RAB21: variants seen among roughly 807,000 people sequenced by gnomAD.
The protein encoded by RAB21 is ras-related protein Rab-21.
Under a neutral mutation model 33.1 loss-of-function variants are expected in RAB21, and 13 were observed. The ratio of observed to expected loss-of-function variants is 0.39; its 90% CI spans 0.26 to 0.62. The LOEUF (loss-of-function observed/expected upper bound fraction) is 0.62, where lower values mean the gene tolerates loss of function less well. Ranked by LOEUF, RAB21 falls within the 20% of genes least tolerant of loss-of-function variation. The probability of loss-of-function intolerance (pLI) is 0.48; values close to 1 mark genes in which losing one functional copy is unlikely to be tolerated. For synonymous variants in RAB21, 91 were observed against 103.7 expected (o/e 0.88, Z 0.74); for missense variants, 234 against 279.1 (o/e 0.84, Z 1.15).
In RAB21 at chr12:71,755,159, GGCGGCGGCGGC is replaced by G; in HGVS notation, c.32_42del (p.Ala11GlyfsTer31). On this transcript the variant is annotated frameshift_variant, in exon 1 of 7. Coordinates refer to ENST00000261263, the MANE Select transcript of RAB21 (RefSeq NM_014999.4). LOFTEE classifies it high-confidence loss of function. ...CTGCGGCCGGCGGCGGCGGCGGCGG[GGCGGCGGCGGC>G]GGGCCGAGCCTACTCGTTCAAGGTG... 1 of 1,280,658 alleles carries G rather than the reference GGCGGCGGCGGC, an allele frequency of 7.8e-7. No individual in the cohort carries two copies. The allele number at this position is 1,280,658 out of a possible 1,614,324, so 79.3% of individuals were successfully genotyped here.
At chr12:71,763,847 A>G (rs1470144470) in intron 1 of RAB21, among the ~76,000 whole-genome samples, 1 of 152,110 alleles carries the variant, frequency 6.6e-6, no homozygotes, top group Non-Finnish European at 1.5e-5. Flanking sequence ...ATGTCCTAGA[A>G]TAGTTAGCTT....
rs1883385855 is a variant in RAB21, at chr12:71,791,586, A to G, written c.*5913A>G. On this transcript the variant is annotated 3_prime_UTR_variant, in exon 7 of 7. Transcript: ENST00000261263. ...CAACTCTGACAGCAACTCCCATAAC[A>G]GGACATGATGCTACCAAAAATTCAA... 6.6e-6 allele frequency: 1 copy of G among 152,218 alleles called. No individual in the cohort carries two copies. The highest frequency in any genetic ancestry group is 2.4e-5 in the African/African-American group (1 of 41,464). The allele number at this position is 152,218 out of a possible 1,614,324, so 9.4% of individuals were successfully genotyped here. A position where few individuals can be genotyped will look rare whatever the true frequency, so the allele number is the denominator to read the frequency against.
Position 71,787,141 on chromosome 12 carries a change from C to T in RAB21, c.*1468C>T, listed in dbSNP as rs1565897304. 3 of 152,296 alleles carry T rather than the reference C, an allele frequency of 2.0e-5. No homozygotes were observed. The highest frequency in any genetic ancestry group is 2.1e-4 in the South Asian group (1 of 4,834). The allele number at this position is 152,296 out of a possible 1,614,324, so 9.4% of individuals were successfully genotyped here. Reference sequence around the variant, plus strand: ...AATGTTCTGTTTCATTTTACAAGAACTATCCTGAGTTTCTGTGGATGGAAA... The same window carrying T: ...AATGTTCTGTTTCATTTTACAAGAATTATCCTGAGTTTCTGTGGATGGAAA... On this transcript the variant is annotated 3_prime_UTR_variant, in exon 7 of 7. Coordinates refer to ENST00000261263, the MANE Select transcript of RAB21 (RefSeq NM_014999.4).
In RAB21 at chr12:71,792,451, C is replaced by T. The variant is rs1883400428; in HGVS notation, c.*6778C>T. 6.6e-6 allele frequency: 1 copy of T among 152,080 alleles called. No homozygotes were observed. The highest frequency in any genetic ancestry group is 1.5e-5 in the Non-Finnish European group (1 of 68,016). 9.4% of individuals were successfully genotyped at this position (152,080 alleles called of 1,614,324 possible). ...CCTACTTGGAGAGCATTACAGTGTC[C>T]AACAATTTATAGGAGCTTCTCTGCA... On this transcript the variant is annotated 3_prime_UTR_variant, in exon 7 of 7. Coordinates refer to ENST00000261263, the MANE Select transcript of RAB21 (RefSeq NM_014999.4).
chr12:71,782,288 G>A (rs929360658), intron 5 of RAB21: 71 of 570,192 alleles, frequency 1.2e-4, no homozygotes, highest in Middle Eastern at 6.1e-4. Context: ...TGAAAAATAC[G>A]AGTGATATAA....
chr12:71,778,867 G>T (rs1467739698), intron 4 of RAB21, among the ~76,000 whole-genome samples: 1 of 152,300 alleles, frequency 6.6e-6, no homozygotes, highest in African/African-American at 2.4e-5. Context: ...TACCTGCAAG[G>T]CGTGGTGGCT....
chr12:71,783,974 A>T (rs1408441291), intron 6 of RAB21, among the ~76,000 whole-genome samples: 1 of 151,994 alleles, frequency 6.6e-6, no homozygotes, highest in African/African-American at 2.4e-5. Context: ...CCACATGTTT[A>T]TTTAGAAATT....
chr12:71,781,844 A>G (rs1006003409), intron 4 of RAB21, among the ~76,000 whole-genome samples, 187 bp from the exon 5 acceptor site: 2 of 152,196 alleles, frequency 1.3e-5, no homozygotes, highest in Non-Finnish European at 2.9e-5. Flanking sequence ...CATTTGAAGG[A>G]GGATGAGGCA....
chr12:71,762,605 T>A (rs892879660), intron 1 of RAB21, among the ~76,000 whole-genome samples: 1 of 151,948 alleles, frequency 6.6e-6, no homozygotes, highest in African/African-American at 2.4e-5. Flanking sequence ...TTTCCTGAGA[T>A]GGTGTATCGC....
Position 71,755,275 on chromosome 12 carries a change from TCAC to T in RAB21, c.150_152del (p.Thr51del). On this transcript the variant is annotated inframe_deletion, in exon 1 of 7. Coordinates refer to ENST00000261263, the MANE Select transcript of RAB21 (RefSeq NM_014999.4). ...GAGAACAAGTTTAACGACAAGCACATCACCACTCTGCAGGTGCGGACCTCGGGG... is the reference window on the plus strand; with the variant it reads ...GAGAACAAGTTTAACGACAAGCACATCACTCTGCAGGTGCGGACCTCGGGG... 1 of 1,532,526 alleles carries T rather than the reference TCAC, an allele frequency of 6.5e-7. No individual in the cohort carries two copies. Among genetic ancestry groups the T allele is most frequent in the Non-Finnish European group, 8.7e-7 (1 of 1,143,568 alleles). 94.9% of individuals were successfully genotyped at this position (1,532,526 alleles called of 1,614,324 possible).
At chr12:71,760,285 G>C (rs891214073) in intron 1 of RAB21, among the ~76,000 whole-genome samples, 2 of 152,136 alleles carry the variant, frequency 1.3e-5, no homozygotes, top group African/African-American at 4.8e-5. Flanking sequence ...GCCATACTTT[G>C]GTGTTTTAGT....
In RAB21 at chr12:71,788,240, A is replaced by AG. The variant is rs1427421474; in HGVS notation, c.*2569dup. 4 of 152,234 alleles carry AG rather than the reference A, an allele frequency of 2.6e-5. No homozygotes were observed. Among genetic ancestry groups the AG allele is most frequent in the Admixed American group, 6.5e-5 (1 of 15,292 alleles). 9.4% of individuals were successfully genotyped at this position (152,234 alleles called of 1,614,324 possible). On this transcript the variant is annotated 3_prime_UTR_variant, in exon 7 of 7. Coordinates refer to ENST00000261263, the MANE Select transcript of RAB21 (RefSeq NM_014999.4). The stretch of plus-strand genomic sequence containing the variant: ...TCCTACTTTAATGAAACAGCTAGAT[A>AG]GGAACCTCTGCTCCAGAATTGCCAG...
chr12:71,773,422 G>A (rs1219756779), intron 3 of RAB21, among the ~76,000 whole-genome samples: 1 of 152,198 alleles, frequency 6.6e-6, no homozygotes, highest in African/African-American at 2.4e-5. Context: ...GTACTAAAAT[G>A]TCAGTATTGC....
rs1387433180 is a variant in RAB21, at chr12:71,796,450, T to C, written c.*10777T>C. On this transcript the variant is annotated 3_prime_UTR_variant, in exon 7 of 7. Transcript: ENST00000261263. ...GCCTGAGGAATAAATATGTGCTTTA[T>C]CAAAGTGGAACTTCTGATTTTCTGT... 7.3e-6 allele frequency: 1 copy of C among 137,902 alleles called. No homozygotes were observed. Among genetic ancestry groups the C allele is most frequent in the African/African-American group, 2.9e-5 (1 of 34,342 alleles). The allele number at this position is 137,902 out of a possible 1,614,324, so 8.5% of individuals were successfully genotyped here.
chr12:71,772,466 AT>A (rs1378820126), intron 3 of RAB21, among the ~76,000 whole-genome samples: 2 of 152,222 alleles, frequency 1.3e-5, no homozygotes, highest in Non-Finnish European at 2.9e-5. Context: ...TAATGGGAAG[AT>A]TAGCAAAGAA....
rs534481669 is a variant in RAB21, at chr12:71,787,220, T to C, written c.*1547T>C. On this transcript the variant is annotated 3_prime_UTR_variant, in exon 7 of 7. Coordinates refer to ENST00000261263, the MANE Select transcript of RAB21 (RefSeq NM_014999.4). ...ACTGGAAAGATTTATTAAAGAATTA[T>C]ATTTGTGTATACTTTATAAATTAGT... 3 of 152,372 alleles carry C rather than the reference T, an allele frequency of 2.0e-5. No individual in the cohort carries two copies. The highest frequency in any genetic ancestry group is 4.8e-5 in the African/African-American group (2 of 41,588). 9.4% of individuals were successfully genotyped at this position (152,372 alleles called of 1,614,324 possible).
Position 71,794,422 on chromosome 12 carries a change from T to TA in RAB21, c.*8750dup, listed in dbSNP as rs1883433681. On this transcript the variant is annotated 3_prime_UTR_variant, in exon 7 of 7. Transcript: ENST00000261263. ...TATATATATTATATATATATATATA[T>TA]ATATATTTTTTTTTTTTTTTTTTTT... The TA allele has an allele frequency of 1.8e-5, 1 of 54,382 alleles. No homozygotes were observed. The highest frequency in any genetic ancestry group is 1.1e-4 in the African/African-American group (1 of 9,120). 3.4% of individuals were successfully genotyped at this position (54,382 alleles called of 1,614,324 possible).
chr12:71,785,764 T>C lies in RAB21; in HGVS notation c.*91T>C, dbSNP rs1214614929. On this transcript the variant is annotated 3_prime_UTR_variant, in exon 7 of 7. Transcript: ENST00000261263. ...TGCCATATTCCAAGTCACATTATTT[T>C]ACCAATGGAATTATAGAATTAACAG... 1.4e-6 allele frequency: 2 copies of C among 1,435,056 alleles called. No homozygotes were observed. Among genetic ancestry groups the C allele is most frequent in the African/African-American group, 2.8e-5 (2 of 70,372 alleles). The allele number at this position is 1,435,056 out of a possible 1,614,324, so 88.9% of individuals were successfully genotyped here.
At chr12:71,759,320 G>T (rs956379283) in intron 1 of RAB21, among the ~76,000 whole-genome samples, 1 of 152,220 alleles carries the variant, frequency 6.6e-6, no homozygotes, top group African/African-American at 2.4e-5. Context: ...TTTGTCATCT[G>T]AAAGTTAGGT....
Sources: allele counts gnomAD v4.1 joint callset (sites outside exome capture counted in the v4.1 genomes callset), GRCh38; gene constraint gnomAD v4.1.1; transcripts MANE v1.5; gene names NCBI Gene and HGNC (gene_info 2026-07-23, HGNC 2026-07-21).